The following AHCYL1 variants were observed in gnomAD, a reference collection of about 807,000 sequenced individuals.
AHCYL1 encodes adenosylhomocysteinase like 1.
Under a neutral mutation model 79.3 loss-of-function variants are expected in AHCYL1, and 20 were observed. The ratio of observed to expected loss-of-function variants is 0.25; its 90% CI spans 0.18 to 0.37. The LOEUF (loss-of-function observed/expected upper bound fraction) is 0.37. Ranked by LOEUF, AHCYL1 falls within the 10% of genes least tolerant of loss-of-function variation. The probability of loss-of-function intolerance (pLI) is 1.00; values close to 1 mark genes in which losing one functional copy is unlikely to be tolerated. For synonymous variants in AHCYL1, 223 were observed against 242.2 expected (o/e 0.92, Z 0.74); for missense variants, 330 against 673.6 (o/e 0.49, Z 5.65).
chr1:110,015,966 A>G (rs924008724), intron 7 of AHCYL1, among the ~76,000 whole-genome samples: 2 of 152,170 alleles, frequency 1.3e-5, no homozygotes, highest in African/African-American at 2.4e-5. Flanking sequence ...TTGGGGGCAC[A>G]TTGCGCATGC....
Position 110,021,661 on chromosome 1 carries a change from T to C in AHCYL1, c.1587-13T>C. On this transcript the variant is annotated splice_polypyrimidine_tract_variant and intron_variant, in intron 16 of 16. Transcript: ENST00000369799. ...AGACATAAGTGTTAACCAATCACTC[T>C]CTCTCTTTACAGATACTAATGGACC... is the stretch of plus-strand genomic sequence containing the variant. The C allele has an allele frequency of 1.2e-6, 2 of 1,611,876 alleles. No individual in the cohort carries two copies. The highest frequency in any genetic ancestry group is 1.7e-6 in the Non-Finnish European group (2 of 1,178,634).
At chr1:110,014,885 T>G (rs1033952076) in intron 6 of AHCYL1, 28 bp downstream of exon 6, 2 of 1,584,234 alleles carry the variant, frequency 1.3e-6, no homozygotes, top group Non-Finnish European at 1.7e-6. Context: ...TCCTACACTT[T>G]GACAATAGAT....
chr1:110,014,720 C>T, intron 5 of AHCYL1, 43 bp from the exon 6 acceptor site: 3 of 1,464,452 alleles, frequency 2.0e-6, no homozygotes, highest in Non-Finnish European at 2.9e-6. Flanking sequence ...GTACAGGACA[C>T]TCCTCAAAGG....
chr1:110,020,499 G>T (rs913381559), intron 15 of AHCYL1, among the ~76,000 whole-genome samples: 3 of 152,132 alleles, frequency 2.0e-5, no homozygotes, highest in African/African-American at 7.2e-5. Context: ...TGTTACCCTG[G>T]TAAGTGGCTT....
At chr1:109,992,044 A>G (rs1649786173) in intron 1 of AHCYL1, among the ~76,000 whole-genome samples, 1 of 151,592 alleles carries the variant, frequency 6.6e-6, no homozygotes, top group Admixed American at 6.6e-5. Flanking sequence ...CTTTTGGGCC[A>G]TGACCTGTTT....
intron 1 of AHCYL1, among the ~76,000 whole-genome samples, chr1:109,990,973 G>A (rs189004540): frequency 3.9e-5 from 6 of 152,206 alleles, no homozygotes; most frequent in African/African-American, 1.4e-4. Flanking sequence ...GCTCTTAACA[G>A]CCTGCTTCTA....
chr1:110,012,505 G>A, intron 4 of AHCYL1, 43 bp downstream of exon 4: 1 of 1,479,696 alleles, frequency 6.8e-7, no homozygotes, highest in Non-Finnish European at 9.1e-7. Flanking sequence ...ATAAGGGGAA[G>A]AAAGAAATCA....
intron 1 of AHCYL1, among the ~76,000 whole-genome samples, chr1:109,995,234 A>T (rs1649968840): frequency 6.6e-6 from 1 of 152,166 alleles, no homozygotes; most frequent in Admixed American, 6.5e-5. Context: ...GGTTGATGAG[A>T]TTAGTTTCGG....
At chr1:110,014,674 CT>C in intron 5 of AHCYL1, 88 bp from the exon 6 acceptor site, 3 of 965,374 alleles carry the variant, frequency 3.1e-6, no homozygotes, top group South Asian at 1.7e-5. Context: ...TTTCTTTTGC[CT>C]TTTTCTCTTC....
intron 7 of AHCYL1, 109 bp from the exon 8 acceptor site, chr1:110,016,235 T>C (rs1251991556): frequency 4.5e-5 from 31 of 687,806 alleles, no homozygotes; most frequent in Admixed American, 7.7e-5. Context: ...TAAATGAGAC[T>C]GGGAAGGGCA....
Position 110,009,064 on chromosome 1 carries a change from T to C in AHCYL1, c.151T>C (p.Phe51Leu). 6.2e-7 allele frequency: 1 copy of C among 1,613,836 alleles called. No individual in the cohort carries two copies. The highest frequency in any genetic ancestry group is 8.5e-7 in the Non-Finnish European group (1 of 1,179,840). Residue 51 changes from phenylalanine to leucine, a missense_variant, in exon 2 of 17, where the codon TTC (phenylalanine) becomes CTC (leucine). Physicochemically the swap from Phe to Leu is conservative, Grantham distance 22. Transcript: ENST00000369799. Reference sequence around the variant, plus strand: ...CCAGTTTGCTGATGACATGCAGGAGTTCACCAAATTCCCCACCAAAACTGG... The same window carrying C: ...CCAGTTTGCTGATGACATGCAGGAGCTCACCAAATTCCCCACCAAAACTGG... ...QIQFADDMQE[F>L]TKFPTKTGRR...
intron 1 of AHCYL1, among the ~76,000 whole-genome samples, chr1:109,992,123 G>A (rs1199801931): frequency 6.6e-6 from 1 of 151,976 alleles, no homozygotes; most frequent in Non-Finnish European, 1.5e-5. Context: ...AAGTTAATAG[G>A]ACAGGCTGGG....
intron 1 of AHCYL1, chr1:110,003,956 A>C (rs1161744118): frequency 1.0e-6 from 1 of 985,328 alleles, no homozygotes; most frequent in African/African-American, 1.7e-5. Context: ...TTAGTCTTAC[A>C]GGAAGAGAGG....
intron 1 of AHCYL1, chr1:109,995,615 T>TA: frequency 1.0e-6 from 1 of 973,780 alleles, no homozygotes; most frequent in Non-Finnish European, 1.2e-6. Flanking sequence ...AAGAGCCTAG[T>TA]AAACTCAGTG....
Position 109,984,872 on chromosome 1 carries a change from G to T in AHCYL1, c.-181G>T. 1 of 1,016,678 alleles carries T rather than the reference G, an allele frequency of 9.8e-7. No homozygotes were observed. Among genetic ancestry groups the T allele is most frequent in the Non-Finnish European group, 1.3e-6 (1 of 785,212 alleles). 63.0% of individuals were successfully genotyped at this position (1,016,678 alleles called of 1,614,324 possible). On this transcript the variant is annotated 5_prime_UTR_variant, in exon 1 of 17. Transcript: ENST00000369799. ...GCCGCCGTCGCTGTCCGGCTGCCTT[G>T]GGCTGCCGAACAGACAAGGCGTGGG... is the stretch of plus-strand genomic sequence containing the variant.
chr1:109,986,112 C>T (rs1649454302), intron 1 of AHCYL1, among the ~76,000 whole-genome samples: 1 of 152,196 alleles, frequency 6.6e-6, no homozygotes, highest in Admixed American at 6.5e-5. Context: ...TAGCAGTAGA[C>T]CAGAGAACCT....
chr1:110,009,969 A>G (rs1401033295), intron 2 of AHCYL1, among the ~76,000 whole-genome samples: 1 of 152,248 alleles, frequency 6.6e-6, no homozygotes, highest in Non-Finnish European at 1.5e-5. Context: ...ACCAAAAGCC[A>G]TTCATTGTCC....
At chr1:110,016,013 G>C (rs573630459) in intron 7 of AHCYL1, among the ~76,000 whole-genome samples, 2 of 152,232 alleles carry the variant, frequency 1.3e-5, no homozygotes, top group African/African-American at 2.4e-5. Flanking sequence ...CAGAATCATT[G>C]ATAGTCTTTG....
chr1:110,015,375 C>T (rs1651351323), intron 6 of AHCYL1, 50 bp from the exon 7 acceptor site: 3 of 1,491,450 alleles, frequency 2.0e-6, no homozygotes, highest in African/African-American at 2.8e-5. Flanking sequence ...AAAGTTCCCC[C>T]CAGCCCTAGC....
Sources: gnomAD v4.1 joint callset for allele counts (sites outside exome capture counted in the v4.1 genomes callset) on GRCh38, gnomAD v4.1.1 for gene constraint, MANE v1.5 for transcripts, NCBI Gene and HGNC (gene_info 2026-07-23, HGNC 2026-07-21) for gene names.